Variants in TSHZ2 observed in about 807,000 individuals in gnomAD.
The protein encoded by TSHZ2 is teashirt zinc finger homeobox 2, also known as teashirt homolog 2.
A neutral mutation model predicts 74.4 loss-of-function variants in TSHZ2; 21 were observed. The observed-to-expected ratio is 0.28, with a 90% CI of 0.20 to 0.41. The LOEUF (loss-of-function observed/expected upper bound fraction) is 0.41. TSHZ2 is among the 10% of genes least tolerant of loss of function. TSHZ2 has a pLI of 1.00. For missense variants in TSHZ2, 1,244 were observed against 1,293.5 expected (o/e 0.96, Z 0.59); for synonymous variants, 540 against 515.3 (o/e 1.05, Z -0.65).
At chr20:53,070,852 G>C (rs758694511) in intron 1 of TSHZ2, among the ~76,000 whole-genome samples, 1 of 152,184 alleles carries the variant, frequency 6.6e-6, no homozygotes, top group East Asian at 1.9e-4. Flanking sequence ...ACATGTGGGC[G>C]TGTTCTTCAA....
At chr20:53,160,745 CAAAAAA>C (rs10653039) in intron 1 of TSHZ2, among the ~76,000 whole-genome samples, 3 of 95,846 alleles carry the variant, frequency 3.1e-5, no homozygotes, top group African/African-American at 8.5e-5. Context: ...ACTCTGTCTC[CAAAAAA>C]AAAAAAAAAA....
At position 53,015,373 on chromosome 20, in the gene TSHZ2, T is replaced by C. The variant is rs539118506; in HGVS notation, c.40+42040T>C. 6.0e-4 allele frequency among the ~76,000 whole-genome samples: 91 copies of C among 152,250 alleles called. 1 individual carries two copies. The highest frequency in any genetic ancestry group is 2.1e-3 in the African/African-American group (87 of 41,554). On this transcript the variant is annotated intron_variant, in intron 1 of 2. Transcript: ENST00000371497. ...AGAGGACATTTTTTTGTTATCACAGTTGGGGAGAAGATGTCACTGGCTTCC... is the reference window on the plus strand; with the variant it reads ...AGAGGACATTTTTTTGTTATCACAGCTGGGGAGAAGATGTCACTGGCTTCC...
At chr20:53,118,959 G>A (rs956827422) in intron 1 of TSHZ2, among the ~76,000 whole-genome samples, 1 of 151,750 alleles carries the variant, frequency 6.6e-6, no homozygotes, top group Non-Finnish European at 1.5e-5. Context: ...GGAGCGAGAG[G>A]GAGAGAGAGA....
At chr20:53,092,207 C>CT (rs1315337717) in intron 1 of TSHZ2, among the ~76,000 whole-genome samples, 1 of 152,078 alleles carries the variant, frequency 6.6e-6, no homozygotes, top group African/African-American at 2.4e-5. Flanking sequence ...CAATCCTATA[C>CT]TTTATAGCCC....
chr20:53,339,927 G>GC (rs1980112863), intron 2 of TSHZ2, among the ~76,000 whole-genome samples: 3 of 152,248 alleles, frequency 2.0e-5, no homozygotes, highest in East Asian at 1.9e-4. Context: ...GCTCTCATCT[G>GC]CCCCCCAAAT....
At chr20:53,004,049 G>A (rs957935980) in intron 1 of TSHZ2, among the ~76,000 whole-genome samples, 8 of 152,134 alleles carry the variant, frequency 5.3e-5, no homozygotes, top group Non-Finnish European at 1.2e-4. Context: ...GAAAGCAGGC[G>A]AAACCCTATA....
intron 2 of TSHZ2, among the ~76,000 whole-genome samples, chr20:53,294,481 A>AAG (rs568969397): frequency 1.5e-4 from 23 of 151,958 alleles, no homozygotes; most frequent in South Asian, 1.5e-3. Context: ...ATAAAAAAAA[A>AAG]AGAGAGAGAG....
intron 1 of TSHZ2, among the ~76,000 whole-genome samples, chr20:53,231,515 A>G (rs1989824123): frequency 6.6e-6 from 1 of 152,208 alleles, no homozygotes; most frequent in Admixed American, 6.5e-5. Flanking sequence ...CACTGGGTGG[A>G]TGTCCAGGAG....
At chr20:53,142,617 C>A (rs1189073500) in intron 1 of TSHZ2, among the ~76,000 whole-genome samples, 1 of 152,186 alleles carries the variant, frequency 6.6e-6, no homozygotes, top group Non-Finnish European at 1.5e-5. Context: ...TGATCAAGTT[C>A]AGAACAACAG....
chr20:52,976,881 A>G (rs981443943), intron 1 of TSHZ2, among the ~76,000 whole-genome samples: 1 of 152,214 alleles, frequency 6.6e-6, no homozygotes, highest in Non-Finnish European at 1.5e-5. Flanking sequence ...CTGATCACCC[A>G]GATCTGAAGA....
chr20:53,119,545 G>A (rs961838945), intron 1 of TSHZ2, among the ~76,000 whole-genome samples: 1 of 152,158 alleles, frequency 6.6e-6, no homozygotes, highest in African/African-American at 2.4e-5. Context: ...ACTGTTGAAT[G>A]CTGGAAATGT....
chr20:53,315,006 T>G (rs958891110), intron 2 of TSHZ2, among the ~76,000 whole-genome samples: 1 of 152,158 alleles, frequency 6.6e-6, no homozygotes, highest in Admixed American at 6.5e-5. Flanking sequence ...ATACAAGAAT[T>G]GACACAATAT....
At chr20:53,376,151 T>C (rs1205985716) in intron 2 of TSHZ2, among the ~76,000 whole-genome samples, 11 of 152,128 alleles carry the variant, frequency 7.2e-5, no homozygotes, top group Admixed American at 7.2e-4. Flanking sequence ...GGATACCAAT[T>C]TGCACTAAAG....
intron 1 of TSHZ2, among the ~76,000 whole-genome samples, chr20:53,192,070 G>A (rs997708656): frequency 4.6e-5 from 7 of 152,158 alleles, no homozygotes; most frequent in African/African-American, 1.7e-4. Context: ...CTTAAAGTAT[G>A]TGCAAAACAA....
intron 1 of TSHZ2, among the ~76,000 whole-genome samples, chr20:53,169,473 A>C (rs1490816255): frequency 6.6e-6 from 1 of 152,174 alleles, no homozygotes. Context: ...ATGATTTCCC[A>C]TTGTCCTAGG....
At chr20:53,012,917 T>G (rs1386473833) in intron 1 of TSHZ2, among the ~76,000 whole-genome samples, 1 of 152,122 alleles carries the variant, frequency 6.6e-6, no homozygotes, top group Non-Finnish European at 1.5e-5. Flanking sequence ...GGAAATTAGC[T>G]CCAGGTTGCT....
At chr20:53,377,172 A>C (rs1454052157) in intron 2 of TSHZ2, among the ~76,000 whole-genome samples, 3 of 152,212 alleles carry the variant, frequency 2.0e-5, no homozygotes. Flanking sequence ...CTGATACTGC[A>C]ACATTTTACA....
chr20:53,157,020 C>T (rs187183600), intron 1 of TSHZ2, among the ~76,000 whole-genome samples: 44 of 152,262 alleles, frequency 2.9e-4, no homozygotes, highest in African/African-American at 9.6e-4. Context: ...CATCTAATTA[C>T]CTGTGACTCC....
At chr20:53,139,555 C>T (rs934221582) in intron 1 of TSHZ2, among the ~76,000 whole-genome samples, 2 of 152,208 alleles carry the variant, frequency 1.3e-5, no homozygotes, top group African/African-American at 4.8e-5. Context: ...CCTCCCAATA[C>T]AAATCAATCT....
Sources: gnomAD v4.1 joint callset for allele counts (sites outside exome capture counted in the v4.1 genomes callset) on GRCh38, gnomAD v4.1.1 for gene constraint, MANE v1.5 for transcripts, NCBI Gene and HGNC (gene_info 2026-07-23, HGNC 2026-07-21) for gene names.